DLGAP2: variants seen among roughly 807,000 people sequenced by gnomAD.
DLGAP2 encodes the protein disks large-associated protein 2.
DLGAP2 carries 26 observed loss-of-function variants against 100.3 expected under a neutral mutation model. The ratio of observed to expected loss-of-function variants is 0.26; its 90% confidence interval spans 0.19 to 0.36. DLGAP2 has a LOEUF of 0.36. DLGAP2 is among the 10% of genes least tolerant of loss of function. The probability of loss-of-function intolerance (pLI) is 1.00; values close to 1 mark genes in which losing one functional copy is unlikely to be tolerated. For missense variants in DLGAP2, 1,858 were observed against 1,453.2 expected, an observed-to-expected ratio of 1.28 and a Z score of -4.53; for synonymous variants, 886 against 630.1, an observed-to-expected ratio of 1.41 and a Z score of -6.08.
intron 3 of DLGAP2, among the ~76,000 whole-genome samples, chr8:1,453,784 T>A (rs1798228999): frequency 6.6e-6 from 1 of 152,218 alleles, no homozygotes; most frequent in South Asian, 2.1e-4. Flanking sequence ...AGTTTCAACA[T>A]ACTCCCAACC....
chr8:1,431,681 C>T (rs76280489), intron 3 of DLGAP2, among the ~76,000 whole-genome samples: 1,569 of 152,326 alleles, frequency 0.01, 30 homozygotes, highest in African/African-American at 0.035. Flanking sequence ...GCTTTCAGTC[C>T]GACTGCGGAG....
intron 1 of DLGAP2, among the ~76,000 whole-genome samples, chr8:799,094 A>T (rs1037059198): frequency 2.6e-5 from 4 of 152,306 alleles, no homozygotes; most frequent in African/African-American, 9.6e-5. Context: ...CTCACCCCAC[A>T]TGCTCACACC....
chr8:1,505,864 GATTT>G (rs773413796), intron 4 of DLGAP2, among the ~76,000 whole-genome samples: 80 of 152,236 alleles, frequency 5.3e-4, no homozygotes, highest in Non-Finnish European at 9.6e-4. Flanking sequence ...AAGAGTTGGT[GATTT>G]ATTTGCATCT....
intron 3 of DLGAP2, chr8:1,262,624 C>T (rs1799374617): frequency 6.6e-6 from 1 of 152,120 alleles, no homozygotes; most frequent in Non-Finnish European, 1.5e-5. Flanking sequence ...CTAAGACGGT[C>T]TCAATTTATA....
chr8:1,557,411 C>A (rs1031357087), intron 5 of DLGAP2, among the ~76,000 whole-genome samples: 2 of 152,098 alleles, frequency 1.3e-5, no homozygotes, highest in African/African-American at 4.8e-5. Context: ...GTCCTCTCAA[C>A]AAGGAGATGG....
At chr8:832,307 G>A (rs150150262) in intron 1 of DLGAP2, among the ~76,000 whole-genome samples, 26 of 152,310 alleles carry the variant, frequency 1.7e-4, no homozygotes, top group African/African-American at 6.3e-4. Flanking sequence ...GTCCTGAATG[G>A]TACTGCCTAG....
rs956982521 is a variant in DLGAP2 at position 1,344,297 on chromosome 8, G to A, written c.106+85414G>A. Among the ~76,000 whole-genome samples, 32 of 151,782 alleles carry A rather than the reference G, an allele frequency of 2.1e-4. 1 individual carries two copies. Among genetic ancestry groups the A allele is most frequent in the Admixed American group, 6.5e-4 (10 of 15,280 alleles). On this transcript the variant is annotated intron_variant, in intron 3 of 14. Transcript: ENST00000637795. ...TGCCCAGGCATTGTGGGTGGCTGGCGGGTCTGTGCAGACAACAGCCTTCAG... is the reference window on the plus strand; with the variant it reads ...TGCCCAGGCATTGTGGGTGGCTGGCAGGTCTGTGCAGACAACAGCCTTCAG...
At chr8:1,660,475 G>T (rs1235911009) in intron 8 of DLGAP2, among the ~76,000 whole-genome samples, 3 of 152,184 alleles carry the variant, frequency 2.0e-5, no homozygotes, top group Non-Finnish European at 4.4e-5. Context: ...TATATTTTAA[G>T]TGCCTGTCCC....
intron 1 of DLGAP2, among the ~76,000 whole-genome samples, chr8:821,831 G>A (rs1254756602): frequency 6.6e-6 from 1 of 152,200 alleles, no homozygotes; most frequent in Non-Finnish European, 1.5e-5. Context: ...TCCTGCTTTA[G>A]AATGGAAATA....
At chr8:1,595,276 A>G (rs1175186272) in intron 6 of DLGAP2, among the ~76,000 whole-genome samples, 4 of 151,966 alleles carry the variant, frequency 2.6e-5, no homozygotes, top group African/African-American at 4.8e-5. Context: ...TTTTAAATAT[A>G]TATAAACTTT....
intron 6 of DLGAP2, among the ~76,000 whole-genome samples, chr8:1,573,199 G>A (rs1474187190): frequency 1.4e-5 from 2 of 139,940 alleles, no homozygotes; most frequent in Non-Finnish European, 3.0e-5. Context: ...TGAAGTGTCA[G>A]GGGCATCTGA....
chr8:1,341,565 G>C (rs1585277418), intron 3 of DLGAP2, among the ~76,000 whole-genome samples: 2 of 152,322 alleles, frequency 1.3e-5, no homozygotes, highest in South Asian at 4.1e-4. Context: ...AGATGGGAAG[G>C]AGATGACTGT....
intron 4 of DLGAP2, among the ~76,000 whole-genome samples, chr8:1,525,681 A>G (rs904286943): frequency 2.2e-4 from 34 of 152,308 alleles, no homozygotes; most frequent in African/African-American, 8.2e-4. Context: ...TCCTGATCTC[A>G]CCTCTGCTTA....
chr8:929,690 C>T lies in DLGAP2; in HGVS notation c.73+21724C>T, dbSNP rs564995465. The stretch of plus-strand genomic sequence containing the variant: ...ACATCCCACACACACCCCATTCCCC[C>T]TCTAAACATCCCACACCGCGGTACT... On this transcript the variant is annotated intron_variant, in intron 2 of 14. Transcript: ENST00000637795. 1.3e-3 allele frequency among the ~76,000 whole-genome samples: 154 copies of T among 123,108 alleles called. 1 individual carries two copies. Among genetic ancestry groups the T allele is most frequent in the Admixed American group, 2.2e-3 (25 of 11,496 alleles). 80.8% of individuals were successfully genotyped at this position (123,108 alleles called of 152,430 possible).
chr8:945,775 C>T (rs1799301709), intron 2 of DLGAP2, among the ~76,000 whole-genome samples: 1 of 152,070 alleles, frequency 6.6e-6, no homozygotes, highest in Non-Finnish European at 1.5e-5. Context: ...CTTTTGCTCT[C>T]TCTCTCACTC....
intron 3 of DLGAP2, among the ~76,000 whole-genome samples, chr8:1,307,724 G>C (rs1800522074): frequency 6.6e-6 from 1 of 152,148 alleles, no homozygotes. Context: ...GCACAATATA[G>C]ATGAACCCTG....
chr8:1,456,491 T>TCATAATCC lies in DLGAP2; in HGVS notation c.107-44874_107-44867dup, dbSNP rs1798316675. On this transcript the variant is annotated intron_variant, in intron 3 of 14. Transcript: ENST00000637795. ...CACAGCGGATCAAGAATCTGCTGAA[T>TCATAATCC]CATAATCCAAGGATTGTGATAATGT... is the stretch of plus-strand genomic sequence containing the variant. Among the ~76,000 whole-genome samples, 3 of 152,330 alleles carry TCATAATCC rather than the reference T, an allele frequency of 2.0e-5. No individual in the cohort carries two copies. The South Asian group carries it at 6.2e-4, about 32-fold the overall frequency.
intron 3 of DLGAP2, among the ~76,000 whole-genome samples, chr8:1,386,358 G>A (rs1749443767): frequency 6.6e-6 from 1 of 152,152 alleles, no homozygotes; most frequent in African/African-American, 2.4e-5. Flanking sequence ...GACACCCCTG[G>A]AAAACTCCCA....
intron 3 of DLGAP2, among the ~76,000 whole-genome samples, chr8:1,408,705 G>A (rs1470675344): frequency 1.3e-5 from 2 of 152,184 alleles, no homozygotes; most frequent in African/African-American, 4.8e-5. Context: ...GCTTTCACAG[G>A]ACAGTGCAGA....
Sources: allele counts gnomAD v4.1 joint callset (sites outside exome capture counted in the v4.1 genomes callset), GRCh38; gene constraint gnomAD v4.1.1; transcripts MANE v1.5; gene names NCBI Gene and HGNC (gene_info 2026-07-23, HGNC 2026-07-21).